The following SPEN variants were observed in gnomAD, a reference collection of about 807,000 sequenced individuals.
SPEN encodes the protein msx2-interacting protein.
Under a neutral mutation model 269.9 loss-of-function variants are expected in SPEN, and 18 were observed. The observed-to-expected ratio is 0.07, with a 90% CI of 0.05 to 0.10. The LOEUF (loss-of-function observed/expected upper bound fraction) is 0.10. Among genes scored for constraint, SPEN ranks in the 10% least tolerant of loss-of-function variants. The pLI, the probability that SPEN is intolerant of heterozygous loss-of-function variation, is 1.00. For synonymous variants in SPEN, 1,726 were observed against 1,765.7 expected (o/e 0.98, Z 0.56); for missense variants, 3,822 against 4,631.2 (o/e 0.83, Z 5.07).
chr1:15,873,423 C>T (rs908295832), intron 2 of SPEN: 2 of 1,118,176 alleles, frequency 1.8e-6, no homozygotes, highest in Admixed American at 8.9e-5. Context: ...ATTACTTATT[C>T]CTTCTCTTGG....
intron 1 of SPEN, among the ~76,000 whole-genome samples, chr1:15,863,531 A>C (rs1246224227): frequency 6.6e-6 from 1 of 152,162 alleles, no homozygotes; most frequent in Non-Finnish European, 1.5e-5. Flanking sequence ...AGAACCAATA[A>C]ATAGTTTCTA....
chr1:15,895,959 C>T (rs1033570054), intron 3 of SPEN, among the ~76,000 whole-genome samples: 2 of 152,024 alleles, frequency 1.3e-5, no homozygotes, highest in Admixed American at 6.6e-5. Context: ...GCTGGGATTA[C>T]AGGCGTGAGC....
At chr1:15,863,581 CTGTAATCCCAGCACTT>C (rs1433599801) in intron 1 of SPEN, among the ~76,000 whole-genome samples, 2 of 151,990 alleles carry the variant, frequency 1.3e-5, no homozygotes, top group African/African-American at 4.8e-5. Context: ...TGGCTCATAC[CTGTAATCCCAGCACTT>C]TGGGAGACCG....
chr1:15,868,327 G>A (rs527714616), intron 1 of SPEN, among the ~76,000 whole-genome samples: 5 of 151,620 alleles, frequency 3.3e-5, no homozygotes, highest in Non-Finnish European at 5.9e-5. Flanking sequence ...AAATTGGATT[G>A]TGCTTTTCAT....
chr1:15,862,540 G>T (rs2070458310), intron 1 of SPEN, among the ~76,000 whole-genome samples: 1 of 152,098 alleles, frequency 6.6e-6, no homozygotes, highest in African/African-American at 2.4e-5. Flanking sequence ...GCTCTAACCA[G>T]TAGAATCTAA....
chr1:15,929,706 G>A lies in SPEN; in HGVS notation c.3466G>A (p.Glu1156Lys), dbSNP rs771410882. 1.1e-5 allele frequency: 18 copies of A among 1,614,002 alleles called. No individual in the cohort carries two copies. In the South Asian group the frequency reaches 1.9e-4, roughly 17 times the overall value. The change falls in exon 11 of 15, where the codon GAA becomes AAA. Residue 1156 changes from glutamate to lysine, a missense_variant. Glu to Lys is a moderately conservative substitution (Grantham distance 56). Around this residue, in one of 16 missense-constraint regions of SPEN, gnomAD observed 46 missense variants for 94.0 expected, o/e 0.49. Coordinates refer to ENST00000375759, the MANE Select transcript of SPEN (RefSeq NM_015001.3). The surrounding 1 kb of genome is among the most constrained non-coding windows in gnomAD (Gnocchi z 5.8). ...AGAGAAATCACATTCAGTAAATACTGAAGAAAAAATTGGCATTGACATCGA... is the reference window on the plus strand; with the variant it reads ...AGAGAAATCACATTCAGTAAATACTAAAGAAAAAATTGGCATTGACATCGA... ...GQEKSHSVNTEEKIGIDIDHT... is the reference protein window; with the variant it reads ...GQEKSHSVNTKEKIGIDIDHT...
intron 10 of SPEN, among the ~76,000 whole-genome samples, chr1:15,926,694 C>CT (rs201031337): frequency 0.069 from 9,186 of 133,834 alleles, 366 homozygotes; most frequent in South Asian, 0.16. Context: ...TTCTAGTGTT[C>CT]TTTTTTTTTT....
chr1:15,931,069 A>T lies in SPEN; in HGVS notation c.4829A>T (p.Gln1610Leu). ...KDQKPKEVEK[Q>L]EDTENHPKTP... The stretch of plus-strand genomic sequence containing the variant: ...CAGAAACCCAAAGAGGTTGAGAAAC[A>T]GGAAGATACAGAGAATCATCCCAAG... The change falls in exon 11 of 15, where the codon CAG (glutamine) becomes CTG (leucine). Residue 1610 changes from glutamine (Q) to leucine (L), a missense_variant. Coordinates refer to ENST00000375759, the MANE Select transcript of SPEN (RefSeq NM_015001.3). This position sits in a 1 kb window ranked among gnomAD's most constrained non-coding sequence, Gnocchi z 4.8. 1 of 1,613,786 alleles carries T rather than the reference A, an allele frequency of 6.2e-7. No individual in the cohort carries two copies. The highest frequency in any genetic ancestry group is 8.5e-7 in the Non-Finnish European group (1 of 1,179,936).
chr1:15,907,696 A>G (rs1393278428), intron 3 of SPEN, among the ~76,000 whole-genome samples: 1 of 152,128 alleles, frequency 6.6e-6, no homozygotes, highest in African/African-American at 2.4e-5. Flanking sequence ...GGAGAATATG[A>G]AGCAAAATTT....
chr1:15,931,600 C>A lies in SPEN; in HGVS notation c.5360C>A (p.Ala1787Glu), dbSNP rs764419927. ...PDATADAEPD[A>E]NQKAEAAPES... is the part of the protein sequence containing the mutation. ...GCCACTGCAGATGCTGAGCCTGATGCAAACCAGAAAGCCGAAGCTGCTCCT... is the reference window on the plus strand; with the variant it reads ...GCCACTGCAGATGCTGAGCCTGATGAAAACCAGAAAGCCGAAGCTGCTCCT... Residue 1787 changes from alanine to glutamate, a missense_variant, in exon 11 of 15, where the codon GCA (alanine) becomes GAA (glutamate). Ala to Glu is a moderately radical substitution (Grantham distance 107). Around this residue, in one of 16 missense-constraint regions of SPEN, gnomAD observed 533 missense variants for 618.8 expected, o/e 0.86. Transcript: ENST00000375759. The surrounding 1 kb of genome is among the most constrained non-coding windows in gnomAD (Gnocchi z 4.8). 1 of 1,614,104 alleles carries A rather than the reference C, an allele frequency of 6.2e-7. No homozygotes were observed. The highest frequency in any genetic ancestry group is 1.1e-5 in the South Asian group (1 of 91,082).
rs367811200 is a variant in SPEN, at chr1:15,930,156, T to C, written c.3916T>C (p.Ser1306Pro). The change falls in exon 11 of 15, where the codon TCT (serine) becomes CCT (proline). Residue 1306 changes from serine to proline, a missense_variant. Ser to Pro is a moderately conservative substitution (Grantham distance 74). Around this residue, in one of 16 missense-constraint regions of SPEN, gnomAD observed 267 missense variants for 315.5 expected, o/e 0.85. Coordinates refer to ENST00000375759, the MANE Select transcript of SPEN (RefSeq NM_015001.3). This position sits in a 1 kb window ranked among gnomAD's most constrained non-coding sequence, Gnocchi z 5.3. ...TTCTAACATAACAGTCAGGGAAGAG[T>C]CTTTAAAATTTAATCCTTATGATTC... ...PYSNITVREE[S>P]LKFNPYDSSR... The C allele has an allele frequency of 3.5e-5, 57 of 1,613,694 alleles. No homozygotes were observed. The Middle Eastern group carries it at 4.9e-4, about 14-fold the overall frequency.
At chr1:15,875,870 A>G (rs901429045) in intron 2 of SPEN, among the ~76,000 whole-genome samples, 4 of 152,210 alleles carry the variant, frequency 2.6e-5, no homozygotes, top group Non-Finnish European at 5.9e-5. Context: ...TATTATTAAA[A>G]TAGTCTCTTG....
chr1:15,894,687 C>T (rs1386030071), intron 3 of SPEN, among the ~76,000 whole-genome samples: 1 of 151,450 alleles, frequency 6.6e-6, no homozygotes, highest in Non-Finnish European at 1.5e-5. Flanking sequence ...ATTACAGACA[C>T]GCGCCACCAC....
At chr1:15,849,126 C>T (rs1040619856) in intron 1 of SPEN, among the ~76,000 whole-genome samples, 1 of 152,174 alleles carries the variant, frequency 6.6e-6, no homozygotes, top group Non-Finnish European at 1.5e-5. Flanking sequence ...CCGCATAAAA[C>T]ACTTATTAAA....
intron 1 of SPEN, among the ~76,000 whole-genome samples, chr1:15,864,470 GTTT>G (rs371257174): frequency 1.5e-5 from 2 of 132,382 alleles, no homozygotes; most frequent in African/African-American, 2.9e-5. Context: ...GTGCCGGCCG[GTTT>G]TTTTTTTTTT....
intron 3 of SPEN, among the ~76,000 whole-genome samples, chr1:15,909,039 TCTTA>T (rs2070987531): frequency 6.6e-6 from 1 of 152,086 alleles, no homozygotes. Context: ...AATTCACTAG[TCTTA>T]CTTCATTTGA....
rs1342145809 is a variant in SPEN, at chr1:15,939,527, A to G, written c.*100A>G. Reference sequence around the variant, plus strand: ...AGAGGAAGAAGCTGCCGAAGGGGACAGACTCCACTGCCAGACGGCCAGCCG... The same window carrying G: ...AGAGGAAGAAGCTGCCGAAGGGGACGGACTCCACTGCCAGACGGCCAGCCG... On this transcript the variant is annotated 3_prime_UTR_variant, in exon 15 of 15. Transcript: ENST00000375759. The surrounding 1 kb of genome is among the most constrained non-coding windows in gnomAD (Gnocchi z 4.1). The G allele has an allele frequency of 5.1e-6, 7 of 1,386,042 alleles. No homozygotes were observed. The highest frequency in any genetic ancestry group is 6.7e-6 in the Non-Finnish European group (7 of 1,046,768). 85.9% of individuals were successfully genotyped at this position (1,386,042 alleles called of 1,614,324 possible).
chr1:15,878,066 G>A (rs2070650076), intron 3 of SPEN, among the ~76,000 whole-genome samples: 1 of 151,788 alleles, frequency 6.6e-6, no homozygotes, highest in Non-Finnish European at 1.5e-5. Flanking sequence ...TTTTTAATAA[G>A]GACCTTAATA....
rs950323002 is a variant in SPEN at position 15,901,716 on chromosome 1, G to A, written c.882-7605G>A. 7.3e-5 allele frequency among the ~76,000 whole-genome samples: 11 copies of A among 151,136 alleles called. No individual in the cohort carries two copies. The South Asian group carries it at 1.0e-3, about 14-fold the overall frequency. ...TTCAGATTACATCAGAAGTGGTGGA[G>A]TTGAAAATGGTAATGGTGTCACATC... On this transcript the variant is annotated intron_variant, in intron 3 of 14. Transcript: ENST00000375759.
Sources: allele counts gnomAD v4.1 joint callset (sites outside exome capture counted in the v4.1 genomes callset), GRCh38; gene constraint gnomAD v4.1.1; regional missense constraint gnomAD v4.1.1; non-coding constraint Gnocchi (gnomAD v3.1); transcripts MANE v1.5; gene names NCBI Gene and HGNC (gene_info 2026-07-23, HGNC 2026-07-21).